The following GRID2 variants were observed in gnomAD, a reference collection of about 807,000 sequenced individuals.
GRID2 encodes glutamate ionotropic receptor delta type subunit 2.
In GRID2, 33 loss-of-function variants were observed where a neutral mutation model predicts 114.8. The ratio of observed to expected loss-of-function variants is 0.29; its 90% CI spans 0.22 to 0.38. GRID2 has a LOEUF of 0.38. Among genes scored for constraint, GRID2 ranks in the 10% least tolerant of loss-of-function variants. GRID2 has a pLI of 1.00. For synonymous variants in GRID2, 505 were observed against 449.9 expected (o/e 1.12, Z -1.55); for missense variants, 1,184 against 1,257.7 (o/e 0.94, Z 0.89).
intron 1 of GRID2, among the ~76,000 whole-genome samples, chr4:93,796,452 G>A (rs1213254509): frequency 6.6e-6 from 1 of 152,120 alleles, no homozygotes; most frequent in Non-Finnish European, 1.5e-5. Flanking sequence ...TATGTAGAGT[G>A]GTCAGAAAAG....
intron 1 of GRID2, among the ~76,000 whole-genome samples, chr4:92,327,734 G>C (rs959520516): frequency 6.6e-6 from 1 of 151,878 alleles, no homozygotes; most frequent in African/African-American, 2.4e-5. Context: ...GTTTCAATGT[G>C]TTTCTTCCTG....
chr4:93,110,726 G>T (rs1335478711), intron 3 of GRID2, 22 bp from the exon 4 acceptor site: 2 of 1,511,578 alleles, frequency 1.3e-6, no homozygotes, highest in South Asian at 2.2e-5. Context: ...CAGGTATTTT[G>T]ATGGGCTTTT....
intron 4 of GRID2, among the ~76,000 whole-genome samples, chr4:93,141,914 AT>A (rs1268799212): frequency 6.6e-6 from 1 of 152,202 alleles, no homozygotes; most frequent in Non-Finnish European, 1.5e-5. Flanking sequence ...CAGTTGGAAA[AT>A]CTGTACAAAT....
intron 14 of GRID2, among the ~76,000 whole-genome samples, chr4:93,737,941 T>G (rs1454971986): frequency 2.0e-5 from 3 of 152,168 alleles, no homozygotes; most frequent in African/African-American, 7.2e-5. Context: ...AATAATTAGT[T>G]CATATCCATG....
intron 2 of GRID2, among the ~76,000 whole-genome samples, chr4:93,082,571 C>A (rs920220890): frequency 6.6e-6 from 1 of 152,096 alleles, no homozygotes; most frequent in Non-Finnish European, 1.5e-5. Context: ...TCCAGGATGC[C>A]AATTTACCAA....
intron 2 of GRID2, chr4:92,822,336 T>C: frequency 1.6e-6 from 1 of 626,586 alleles, no homozygotes; most frequent in South Asian, 1.4e-5. Flanking sequence ...GGAGAGACAG[T>C]CACAGTGTTC....
At chr4:93,247,792 G>T (rs968976072) in intron 8 of GRID2, among the ~76,000 whole-genome samples, 11 of 151,794 alleles carry the variant, frequency 7.2e-5, no homozygotes, top group African/African-American at 2.7e-4. Flanking sequence ...GGAGAACCCT[G>T]ACAATACCTT....
chr4:92,728,468 A>G (rs1736168888), intron 2 of GRID2, among the ~76,000 whole-genome samples: 1 of 152,068 alleles, frequency 6.6e-6, no homozygotes, highest in African/African-American at 2.4e-5. Context: ...GACAATCCTC[A>G]GTCCTTCACC....
intron 1 of GRID2, among the ~76,000 whole-genome samples, chr4:92,554,033 TCAA>T (rs2149175463): frequency 6.6e-6 from 1 of 152,250 alleles, no homozygotes; most frequent in South Asian, 2.1e-4. Flanking sequence ...AGCAACATAT[TCAA>T]CAACATTATG....
intron 2 of GRID2, among the ~76,000 whole-genome samples, chr4:93,013,928 T>G (rs1722430455): frequency 6.6e-6 from 1 of 151,998 alleles, no homozygotes; most frequent in Non-Finnish European, 1.5e-5. Flanking sequence ...TAAAAGATGA[T>G]AAAATATTGA....
At chr4:93,217,107 A>G in intron 6 of GRID2, 196 bp downstream of exon 6, 1 of 408,630 alleles carries the variant, frequency 2.4e-6, no homozygotes, top group Non-Finnish European at 4.4e-6. Context: ...TTATAGAAAA[A>G]TTTCTACTTG....
chr4:92,580,182 G>A (rs1388636956), intron 1 of GRID2, among the ~76,000 whole-genome samples: 3 of 151,082 alleles, frequency 2.0e-5, no homozygotes, highest in Non-Finnish European at 4.4e-5. Flanking sequence ...AGTTATAATA[G>A]AATTTCTGTT....
intron 1 of GRID2, among the ~76,000 whole-genome samples, chr4:92,561,500 C>G (rs1272495885): frequency 1.3e-5 from 2 of 152,184 alleles, no homozygotes; most frequent in Non-Finnish European, 2.9e-5. Flanking sequence ...TGTTTCTCCA[C>G]AGGCCCTGAA....
intron 10 of GRID2, among the ~76,000 whole-genome samples, chr4:93,425,279 A>G (rs1272971792): frequency 6.6e-6 from 1 of 152,140 alleles, no homozygotes; most frequent in African/African-American, 2.4e-5. Flanking sequence ...AAAAGGATTG[A>G]TTTTTGCTTC....
chr4:92,810,964 G>T (rs1032626414), intron 2 of GRID2, among the ~76,000 whole-genome samples: 1 of 151,942 alleles, frequency 6.6e-6, no homozygotes, highest in Non-Finnish European at 1.5e-5. Context: ...TGTACTTTTA[G>T]TAGAGATGAA....
chr4:93,787,863 T>C (rs1452123561), intron 1 of GRID2, among the ~76,000 whole-genome samples: 2 of 152,162 alleles, frequency 1.3e-5, no homozygotes, highest in Non-Finnish European at 2.9e-5. Context: ...AAAAGAAGAC[T>C]CTGACATCAT....
At chr4:93,294,402 G>C (rs1466939384) in intron 8 of GRID2, among the ~76,000 whole-genome samples, 1 of 152,170 alleles carries the variant, frequency 6.6e-6, no homozygotes, top group Non-Finnish European at 1.5e-5. Context: ...TACAAGGATT[G>C]CTAACTAGCC....
At chr4:92,615,738 G>A (rs779839812) in intron 2 of GRID2, among the ~76,000 whole-genome samples, 7 of 151,328 alleles carry the variant, frequency 4.6e-5, no homozygotes, top group Non-Finnish European at 8.9e-5. Context: ...ATTGAAATGT[G>A]TCATTTTAAT....
rs146976921 is a variant in GRID2 at position 93,019,531 on chromosome 4, A to G, written c.245-65464A>G. Among the ~76,000 whole-genome samples the G allele has an allele frequency of 1.5e-3, 231 of 152,254 alleles. 6 individuals are homozygous for G. In the East Asian group the frequency reaches 0.042, roughly 28 times the overall value. On this transcript the variant is annotated intron_variant, in intron 2 of 15. Coordinates refer to ENST00000282020, the MANE Select transcript of GRID2 (RefSeq NM_001510.4). ...TGATCTACATTTTGGTTATTAACAT[A>G]TCTTCCATGTTCACATCCTTTTCCT...
Sources: gnomAD v4.1 joint callset for allele counts (sites outside exome capture counted in the v4.1 genomes callset) on GRCh38, gnomAD v4.1.1 for gene constraint, MANE v1.5 for transcripts, NCBI Gene and HGNC (gene_info 2026-07-23, HGNC 2026-07-21) for gene names.